The following SH2D5 variants were observed in gnomAD, a reference collection of about 807,000 sequenced individuals.
SH2D5 encodes SH2 domain-containing protein 5.
Under a neutral mutation model 48.2 loss-of-function variants are expected in SH2D5, and 45 were observed. The observed-to-expected ratio is 0.93, with a 90% CI of 0.73 to 1.20. The LOEUF (loss-of-function observed/expected upper bound fraction) is 1.20. SH2D5 is among the 50% of genes most tolerant of loss of function. The pLI, the probability that SH2D5 is intolerant of heterozygous loss-of-function variation, is 0.00. For synonymous variants in SH2D5, 230 were observed against 249.8 expected, an observed-to-expected ratio of 0.92 and a Z score of 0.75; for missense variants, 538 against 584.1, an observed-to-expected ratio of 0.92 and a Z score of 0.81.
At position 20,722,873 on chromosome 1, in the gene SH2D5, G is replaced by A. The variant is rs2054714739; in HGVS notation, c.951C>T (p.Ala317=). ...CACCCAGCTCAGGCCACAGCAGGAA[G>A]GCCCCCAGCACGTCTCTCCGCAACA... ...LALLRRDVLG[A]FLLWPELGAS... is the part of the protein sequence containing the mutation. Residue 317 remains alanine, a synonymous_variant, in exon 9 of 10, where the codon GCC becomes GCT. Coordinates refer to ENST00000444387, the MANE Select transcript of SH2D5 (RefSeq NM_001103161.2). 1 of 1,605,626 alleles carries A rather than the reference G, an allele frequency of 6.2e-7. No individual in the cohort carries two copies. Among genetic ancestry groups the A allele is most frequent in the Admixed American group, 1.7e-5 (1 of 59,034 alleles).
At chr1:20,731,119 A>G (rs1434159937) in intron 1 of SH2D5, 1 of 152,254 alleles carries the variant, frequency 6.6e-6, no homozygotes, top group African/African-American at 2.4e-5. Flanking sequence ...CCTCCCACAG[A>G]TAAGTAGGGT....
chr1:20,725,249 T>A (rs1274631915), intron 5 of SH2D5, among the ~76,000 whole-genome samples: 1 of 152,172 alleles, frequency 6.6e-6, no homozygotes, highest in Non-Finnish European at 1.5e-5. Context: ...GGAACATGAC[T>A]CAGCCACGTG....
intron 4 of SH2D5, 35 bp downstream of exon 4, chr1:20,726,966 C>T (rs1300314452): frequency 6.4e-7 from 1 of 1,570,684 alleles, no homozygotes; most frequent in East Asian, 2.3e-5. Flanking sequence ...ACCTGTACCC[C>T]TCCAGTCCTC....
intron 1 of SH2D5, chr1:20,731,104 A>G (rs2054898862): frequency 4.6e-5 from 7 of 151,506 alleles, no homozygotes; most frequent in Admixed American, 4.6e-4. Context: ...TTCTGCTCGG[A>G]CTCCCCTCCC....
chr1:20,728,065 T>C lies in SH2D5; in HGVS notation c.-21A>G. On this transcript the variant is annotated 5_prime_UTR_variant, in exon 2 of 10. Transcript: ENST00000444387. This position sits in a 1 kb window ranked among gnomAD's most constrained non-coding sequence, Gnocchi z 4.3. ...TGCATGGCCCCCAGGGTGCCTGGCT[T>C]CCAGCTCCACGGGAGGGGAGGCTGC... The C allele has an allele frequency of 1.3e-6, 2 of 1,515,024 alleles. No individual in the cohort carries two copies. Among genetic ancestry groups the C allele is most frequent in the Non-Finnish European group, 1.8e-6 (2 of 1,122,074 alleles). 93.8% of individuals were successfully genotyped at this position (1,515,024 alleles called of 1,614,324 possible).
chr1:20,725,349 C>T (rs566118221), intron 5 of SH2D5, among the ~76,000 whole-genome samples: 2 of 152,340 alleles, frequency 1.3e-5, no homozygotes, highest in South Asian at 4.1e-4. Context: ...GCCTGCCAAG[C>T]GCCTAGCTGC....
rs1176180081 is a variant in SH2D5, at chr1:20,727,065, C to T, written c.179G>A (p.Arg60Gln). ...QQLWALKDCPRRRAVILKFSL... is the reference protein window; with the variant it reads ...QQLWALKDCPQRRAVILKFSL... Reference sequence around the variant, plus strand: ...GAATTTCAGGATGACGGCCCGGCGTCGGGGACAGTCCTGGGTGGAAAAGAG... The same window carrying T: ...GAATTTCAGGATGACGGCCCGGCGTTGGGGACAGTCCTGGGTGGAAAAGAG... The change falls in exon 4 of 10, where the codon CGA becomes CAA. Residue 60 changes from arginine to glutamine, a missense_variant. By Grantham distance (43) the Arg-to-Gln change is conservative. Coordinates refer to ENST00000444387, the MANE Select transcript of SH2D5 (RefSeq NM_001103161.2). 4 of 1,611,540 alleles carry T rather than the reference C, an allele frequency of 2.5e-6. No homozygotes were observed. Among genetic ancestry groups the T allele is most frequent in the South Asian group, 2.2e-5 (2 of 90,388 alleles).
chr1:20,723,012 G>C, intron 8 of SH2D5, 97 bp from the exon 9 acceptor site: 12 of 1,221,076 alleles, frequency 9.8e-6, no homozygotes, highest in Non-Finnish European at 1.3e-5. Context: ...CGGATTAAAT[G>C]CCCTTAAACA....
In SH2D5 at chr1:20,726,070, G is replaced by A. The variant is rs1340207741; in HGVS notation, c.244-4C>T. On this transcript the variant is annotated splice_region_variant and splice_polypyrimidine_tract_variant and intron_variant, in intron 4 of 9. Coordinates refer to ENST00000444387, the MANE Select transcript of SH2D5 (RefSeq NM_001103161.2). ...GGGCATGAGCCATCAGCAGCACCTGGCGAGGCAGCAGTGTGAGGCCCCCAT... is the reference window on the plus strand; with the variant it reads ...GGGCATGAGCCATCAGCAGCACCTGACGAGGCAGCAGTGTGAGGCCCCCAT... 1 of 1,593,172 alleles carries A rather than the reference G, an allele frequency of 6.3e-7. No homozygotes were observed. Among genetic ancestry groups the A allele is most frequent in the Admixed American group, 1.8e-5 (1 of 56,690 alleles).
At position 20,729,366 on chromosome 1, in the gene SH2D5, G is replaced by A. The variant is rs193297279; in HGVS notation, c.-42-1280C>T. 2.0e-4 allele frequency among the ~76,000 whole-genome samples: 30 copies of A among 152,308 alleles called. No homozygotes were observed. Among genetic ancestry groups the A allele is most frequent in the Admixed American group, 4.6e-4 (7 of 15,302 alleles). On this transcript the variant is annotated intron_variant, in intron 1 of 9. Coordinates refer to ENST00000444387, the MANE Select transcript of SH2D5 (RefSeq NM_001103161.2). The surrounding 1 kb of genome is among the most constrained non-coding windows in gnomAD (Gnocchi z 4.2). The stretch of plus-strand genomic sequence containing the variant: ...TTGTCATCACTGACTTGGGATCAGA[G>A]AGTCCTGGGTCCAAATCCTGTGTGA...
At position 20,725,169 on chromosome 1, in the gene SH2D5, G is replaced by A. The variant is rs561660197; in HGVS notation, c.391-534C>T. ...CCAGCACAGGCCCAGTGCTTGTCGG[G>A]AGCAGCGCATCCCAACCGCCACACA... On this transcript the variant is annotated intron_variant, in intron 5 of 9. Coordinates refer to ENST00000444387, the MANE Select transcript of SH2D5 (RefSeq NM_001103161.2). Among the ~76,000 whole-genome samples, 180 of 152,328 alleles carry A rather than the reference G, an allele frequency of 1.2e-3. 1 individual carries two copies. The highest frequency in any genetic ancestry group is 2.0e-3 in the Non-Finnish European group (139 of 68,030).
rs1378671859 is a variant in SH2D5 at position 20,721,835 on chromosome 1, A to T, written c.1229T>A (p.Leu410His). ...CTCTGCCTCGGACTTGGCATGGCTG[A>T]GGGGCCGGAGAGTCCGGGGCGGCCT... Reference protein sequence around the residue: ...PGRPPRTLRPLSHAKSEAELQ... With the variant: ...PGRPPRTLRPHSHAKSEAELQ... Residue 410 changes from leucine to histidine, a missense_variant, in exon 10 of 10, where the codon CTC becomes CAC. Leu to His is a moderately conservative substitution (Grantham distance 99). Transcript: ENST00000444387. 1 of 1,608,294 alleles carries T rather than the reference A, an allele frequency of 6.2e-7. No individual in the cohort carries two copies. Among genetic ancestry groups the T allele is most frequent in the Admixed American group, 1.7e-5 (1 of 59,592 alleles).
chr1:20,722,951 T>C (rs1022803957), intron 8 of SH2D5, 36 bp from the exon 9 acceptor site: 2 of 1,497,312 alleles, frequency 1.3e-6, no homozygotes, highest in Non-Finnish European at 1.8e-6. Context: ...AAGGCTGGAC[T>C]GCTCTCCTGG....
intron 8 of SH2D5, among the ~76,000 whole-genome samples, chr1:20,723,321 T>TTAA (rs2054725847): frequency 2.0e-5 from 3 of 152,240 alleles, no homozygotes; most frequent in Non-Finnish European, 2.9e-5. Flanking sequence ...CAAGACTCTC[T>TTAA]CAGGAGAGAG....
Position 20,729,982 on chromosome 1 carries a change from T to C in SH2D5, c.-42-1896A>G, listed in dbSNP as rs1157675974. 6.6e-6 allele frequency among the ~76,000 whole-genome samples: 1 copy of C among 152,226 alleles called. No homozygotes were observed. Among genetic ancestry groups the C allele is most frequent in the Non-Finnish European group, 1.5e-5 (1 of 68,046 alleles). ...CTTTACCTACTGTATCTTTTATGTTTAAATAAAGCAAAGTTACATGTGCAA... is the reference window on the plus strand; with the variant it reads ...CTTTACCTACTGTATCTTTTATGTTCAAATAAAGCAAAGTTACATGTGCAA... On this transcript the variant is annotated intron_variant, in intron 1 of 9. Coordinates refer to ENST00000444387, the MANE Select transcript of SH2D5 (RefSeq NM_001103161.2). The surrounding 1 kb of genome is among the most constrained non-coding windows in gnomAD (Gnocchi z 4.2).
Position 20,727,621 on chromosome 1 carries a change from G to A in SH2D5, c.88-18C>T. On this transcript the variant is annotated intron_variant, in intron 2 of 9. Transcript: ENST00000444387. ...CCCACGTACTGCTCGGCAGTGGGGT[G>A]AAGGGAGTAAGGCGGGGAGTCAGGC... is the stretch of plus-strand genomic sequence containing the variant. 5 of 1,598,894 alleles carry A rather than the reference G, an allele frequency of 3.1e-6. No homozygotes were observed. The highest frequency in any genetic ancestry group is 3.4e-6 in the Non-Finnish European group (4 of 1,173,140).
At position 20,729,805 on chromosome 1, in the gene SH2D5, C is replaced by CT. The variant is rs1570512833; in HGVS notation, c.-42-1720dup. On this transcript the variant is annotated intron_variant, in intron 1 of 9. Transcript: ENST00000444387. This position sits in a 1 kb window ranked among gnomAD's most constrained non-coding sequence, Gnocchi z 4.2. The stretch of plus-strand genomic sequence containing the variant: ...CAGGCTCAGGCCAGGGTGGAGGTGC[C>CT]TGCACCGATCCACTTTCAGTGAGCA... Among the ~76,000 whole-genome samples, 2 of 152,204 alleles carry CT rather than the reference C, an allele frequency of 1.3e-5. No homozygotes were observed. Among genetic ancestry groups the CT allele is most frequent in the Non-Finnish European group, 2.9e-5 (2 of 68,034 alleles).
chr1:20,722,907 G>A lies in SH2D5; in HGVS notation c.917C>T (p.Ala306Val). ...WAFAGISRPC[A>V]LALLRRDVLG... ...CACGTCTCTCCGCAACAGGGCCAGG[G>A]CACAGGGCCTAGGAGCACAGAGGGG... Residue 306 changes from alanine (A) to valine (V), a missense_variant, in exon 9 of 10, where the codon GCC becomes GTC. By Grantham distance (64) the Ala-to-Val change is moderately conservative (BLOSUM62 0). Transcript: ENST00000444387. The A allele has an allele frequency of 6.3e-7, 1 of 1,591,570 alleles. No individual in the cohort carries two copies. Among genetic ancestry groups the A allele is most frequent in the African/African-American group, 1.3e-5 (1 of 74,634 alleles).
chr1:20,726,380 C>T (rs139582098), intron 4 of SH2D5, among the ~76,000 whole-genome samples: 56 of 152,260 alleles, frequency 3.7e-4, no homozygotes, highest in African/African-American at 1.3e-3. Flanking sequence ...GTCCTCTGAG[C>T]GCCTGTTGTG....
Sources: allele counts gnomAD v4.1 joint callset (sites outside exome capture counted in the v4.1 genomes callset), GRCh38; gene constraint gnomAD v4.1.1; non-coding constraint Gnocchi (gnomAD v3.1); transcripts MANE v1.5; gene names NCBI Gene and HGNC (gene_info 2026-07-23, HGNC 2026-07-21).